MAMDC4: variants seen among roughly 807,000 people sequenced by gnomAD.
MAMDC4 encodes the protein MAM domain containing 4.
A neutral mutation model predicts 153.3 loss-of-function variants in MAMDC4; 168 were observed. That is an observed-to-expected ratio of 1.10 (90% CI 0.97 to 1.25). The LOEUF (loss-of-function observed/expected upper bound fraction) is 1.25, where lower values mean the gene tolerates loss of function less well. Ranked by LOEUF, MAMDC4 falls within the 50% of genes most tolerant of loss-of-function variation. MAMDC4 has a pLI of 0.00. For missense variants in MAMDC4, 1,701 were observed against 1,542.8 expected (o/e 1.10, Z -1.72); for synonymous variants, 744 against 651.5 (o/e 1.14, Z -2.16).
Position 136,855,288 on chromosome 9 carries a change from T to C in MAMDC4, c.1232T>C (p.Val411Ala). The C allele has an allele frequency of 6.2e-7, 1 of 1,604,034 alleles. No homozygotes were observed. Among genetic ancestry groups the C allele is most frequent in the Non-Finnish European group, 8.5e-7 (1 of 1,175,322 alleles). Residue 411 changes from valine to alanine, a missense_variant, in exon 11 of 27, where the codon GTC becomes GCC. Val to Ala is a moderately conservative substitution (Grantham distance 64). Transcript: ENST00000317446. ...GCCGGGCAGACAGGCCCGGGGGGCG[T>C]CGTGGGTCTGGACGACCTCATCCTG... ...LLAGQTGPGG[V>A]VGLDDLILSD...
intron 4 of MAMDC4, 24 bp downstream of exon 4, chr9:136,853,694 C>A (rs371355225): frequency 2.6e-6 from 2 of 773,220 alleles, no homozygotes; most frequent in South Asian, 1.3e-5. Context: ...CCCCAAGGCT[C>A]GTGGGGGGTG....
At position 136,858,186 on chromosome 9, in the gene MAMDC4, G is replaced by T. The variant is rs1274025138; in HGVS notation, c.2584G>T (p.Val862Leu). The change falls in exon 21 of 27, where the codon GTG becomes TTG. Residue 862 changes from valine to leucine, a missense_variant and splice_region_variant. Val to Leu is a conservative substitution (Grantham distance 32). Transcript: ENST00000317446. The stretch of plus-strand genomic sequence containing the variant: ...GGCTGCCCTGCCCTGCACCCGCCAG[G>T]TGGTGTTTGAGGCAGTGGCCGCAGG... ...MDVQAERAWR[V>L]VFEAVAAGVA... 2 of 1,586,998 alleles carry T rather than the reference G, an allele frequency of 1.3e-6. No individual in the cohort carries two copies. The highest frequency in any genetic ancestry group is 2.7e-5 in the African/African-American group (2 of 74,452).
Position 136,854,661 on chromosome 9 carries a change from CG to C in MAMDC4, c.921del (p.Asn308ThrfsTer41), listed in dbSNP as rs781670045. 4.3e-6 allele frequency: 7 copies of C among 1,610,564 alleles called. No individual in the cohort carries two copies. The East Asian group carries it at 8.9e-5, about 21-fold the overall frequency. ...RPSWPRRDHS[R>X]NSAQGSFLVS... is the part of the protein sequence containing the mutation. ...CTCCTGGCCACGCCGTGACCACAGC[CG>C]GAACAGTGCACAGGGTGAGGCCCAC... On this transcript the variant is annotated frameshift_variant, in exon 8 of 27. Transcript: ENST00000317446. LOFTEE classifies it high-confidence loss of function.
rs768385643 is a variant in MAMDC4 at position 136,859,044 on chromosome 9, G to A, written c.2996G>A (p.Gly999Asp). 8.4e-6 allele frequency: 13 copies of A among 1,554,604 alleles called. No homozygotes were observed. Among genetic ancestry groups the A allele is most frequent in the Non-Finnish European group, 1.1e-5 (13 of 1,148,662 alleles). Residue 999 changes from glycine (G) to aspartate (D), a missense_variant, in exon 24 of 27, where the codon GGC (glycine) becomes GAC (aspartate). Coordinates refer to ENST00000317446, the MANE Select transcript of MAMDC4 (RefSeq NM_206920.3). ...ELKVLLHSAQ[G>D]QLAVWGAGGH... ...AAGGTACTGCTGCACAGTGCTCAGG[G>A]CCAGCTGGCTGTGTGGGGCGCAGGC...
chr9:136,859,228 T>C lies in MAMDC4; in HGVS notation c.3104T>C (p.Leu1035Pro). The stretch of plus-strand genomic sequence containing the variant: ...CATCAGATCGTGTTTGAAGCCACTC[T>C]GGGCGGCCAGCCAGCCCTGGGGCCC... ...KEFQIVFEAT[L>P]GGQPALGPIA... Residue 1035 changes from leucine to proline, a missense_variant, in exon 25 of 27, where the codon CTG (leucine) becomes CCG (proline). Leu to Pro is a moderately conservative substitution (Grantham distance 98). Coordinates refer to ENST00000317446, the MANE Select transcript of MAMDC4 (RefSeq NM_206920.3). The C allele has an allele frequency of 6.2e-7, 1 of 1,611,726 alleles. No homozygotes were observed. The highest frequency in any genetic ancestry group is 8.5e-7 in the Non-Finnish European group (1 of 1,179,244).
chr9:136,858,223 C>T lies in MAMDC4; in HGVS notation c.2621C>T (p.Ser874Phe), dbSNP rs1849035773. The T allele has an allele frequency of 1.9e-6, 3 of 1,600,220 alleles. No individual in the cohort carries two copies. Among genetic ancestry groups the T allele is most frequent in the Admixed American group, 1.7e-5 (1 of 59,414 alleles). The change falls in exon 21 of 27, where the codon TCC becomes TTC. Residue 874 changes from serine (S) to phenylalanine (F), a missense_variant. By Grantham distance (155) the Ser-to-Phe change is radical (BLOSUM62 -2). Transcript: ENST00000317446. Reference protein sequence around the residue: ...FEAVAAGVAHSYVALDDLLLQ... With the variant: ...FEAVAAGVAHFYVALDDLLLQ... ...GCAGTGGCCGCAGGCGTGGCACACT[C>T]CTACGTGGCTCTGGATGATCTGCTC...
intron 14 of MAMDC4, 181 bp from the exon 15 acceptor site, chr9:136,856,529 G>A (rs1234751101): frequency 1.3e-6 from 1 of 796,768 alleles, no homozygotes; most frequent in East Asian, 2.4e-5. Context: ...TGGACAACGT[G>A]ACCCTGAGGG....
Position 136,860,651 on chromosome 9 carries a change from G to A in MAMDC4, c.*48G>A, listed in dbSNP as rs768836084. 1.2e-6 allele frequency: 2 copies of A among 1,608,988 alleles called. No homozygotes were observed. The highest frequency in any genetic ancestry group is 1.7e-6 in the Non-Finnish European group (2 of 1,176,592). On this transcript the variant is annotated 3_prime_UTR_variant, in exon 27 of 27. Transcript: ENST00000317446. ...TTCCTCACGTGACATCCAGCACTTG[G>A]TCAGACCCTAGCCAGGGACCGGACA...
At chr9:136,856,436 A>G in intron 14 of MAMDC4, 1 of 778,894 alleles carries the variant, frequency 1.3e-6, no homozygotes, top group Non-Finnish European at 2.4e-6. Context: ...TGACTTAACC[A>G]TCCTCCTCAT....
intron 26 of MAMDC4, 58 bp downstream of exon 26, chr9:136,860,122 G>A (rs948948842): frequency 1.6e-5 from 24 of 1,480,682 alleles, no homozygotes; most frequent in Non-Finnish European, 2.1e-5. Context: ...TGACGCTGGA[G>A]GGCGGGCAGT....
Position 136,855,749 on chromosome 9 carries a change from T to A in MAMDC4, c.1489T>A (p.Ser497Thr). Residue 497 changes from serine to threonine, a missense_variant, in exon 13 of 27, where the codon TCC becomes ACC. Transcript: ENST00000317446. ...EQACGTTDFE[S>T]PEAGGWEDAS... is the part of the protein sequence containing the mutation. ...TGTTCCAGGCACCACAGACTTTGAG[T>A]CCCCCGAGGCTGGGGGCTGGGAGGA... The A allele has an allele frequency of 1.9e-6, 3 of 1,572,264 alleles. No homozygotes were observed. The highest frequency in any genetic ancestry group is 1.7e-6 in the Non-Finnish European group (2 of 1,159,942).
chr9:136,854,982 C>T lies in MAMDC4; in HGVS notation c.1069C>T (p.Gln357Ter). 6.2e-7 allele frequency: 1 copy of T among 1,605,842 alleles called. No individual in the cohort carries two copies. The highest frequency in any genetic ancestry group is 1.1e-5 in the South Asian group (1 of 90,368). Residue 357 changes from glutamine to a stop codon, truncating the protein, a stop_gained, in exon 10 of 27, where the codon CAG becomes TAG. Coordinates refer to ENST00000317446, the MANE Select transcript of MAMDC4 (RefSeq NM_206920.3). LOFTEE classifies it high-confidence loss of function. ...YLSGSEAGCL[Q>*]LFLQTLGPGA... ...GAGTGGGTCTGAGGCTGGCTGCCTC[C>T]AGCTGTTCCTGCAGACTCTGGGGCC...
At position 136,856,161 on chromosome 9, in the gene MAMDC4, C is replaced by T. The variant is rs1849001496; in HGVS notation, c.1720+12C>T. The T allele has an allele frequency of 3.1e-6, 5 of 1,611,802 alleles. No homozygotes were observed. Among genetic ancestry groups the T allele is most frequent in the Non-Finnish European group, 4.2e-6 (5 of 1,179,416 alleles). ...GAGCCAGCCCCGAGGTACCGCCACA[C>T]TCCGCAAGTTCCCTGGCCAGCCCCT... On this transcript the variant is annotated intron_variant, in intron 14 of 26. Transcript: ENST00000317446.
At chr9:136,855,383 C>G (rs372027053) in intron 11 of MAMDC4, 45 bp downstream of exon 11, 6 of 1,599,570 alleles carry the variant, frequency 3.8e-6, no homozygotes, top group Middle Eastern at 3.3e-4. Context: ...CCTGGAGAGG[C>G]ACAGCACTCC....
Position 136,853,630 on chromosome 9 carries a change from C to T in MAMDC4, c.414C>T (p.Ser138=), listed in dbSNP as rs762799264. 6.2e-7 allele frequency: 1 copy of T among 1,612,300 alleles called. No individual in the cohort carries two copies. The highest frequency in any genetic ancestry group is 1.1e-5 in the South Asian group (1 of 91,070). Residue 138 remains serine (S), a synonymous_variant, in exon 4 of 27, where the codon TCC becomes TCT. Coordinates refer to ENST00000317446, the MANE Select transcript of MAMDC4 (RefSeq NM_206920.3). The part of the protein sequence containing the change: ...LRSPTLREAA[S]SCKLRLWYHA... The stretch of plus-strand genomic sequence containing the variant: ...CGCCAACCCTGCGAGAGGCAGCCTC[C>T]TCTTGCAAGCTGAGGCTCTGGTACC...
chr9:136,856,948 GGCCACAGTGCCCACCT>G lies in MAMDC4; in HGVS notation c.1882_1897del (p.His628SerfsTer30), dbSNP rs776254108. The G allele has an allele frequency of 6.2e-7, 1 of 1,611,444 alleles. No homozygotes were observed. Among genetic ancestry groups the G allele is most frequent in the South Asian group, 1.1e-5 (1 of 91,004 alleles). ...GGACCCCACAGACCCCCTGGCCTGG[GGCCACAGTGCCCACCT>G]GCTCTCCAGGCCCCAGGTGCCAGCA... On this transcript the variant is annotated frameshift_variant, in exon 16 of 27. Transcript: ENST00000317446. LOFTEE classifies it high-confidence loss of function.
chr9:136,855,690 G>T (rs1427684310), intron 12 of MAMDC4, 42 bp from the exon 13 acceptor site: 3 of 1,568,586 alleles, frequency 1.9e-6, no homozygotes, highest in East Asian at 4.6e-5. Context: ...GCAGGCTGAG[G>T]ACTCTGAGGA....
At position 136,853,416 on chromosome 9, in the gene MAMDC4, G is replaced by A; in HGVS notation, c.286G>A (p.Gly96Ser). 1 of 1,601,984 alleles carries A rather than the reference G, an allele frequency of 6.2e-7. No homozygotes were observed. The highest frequency in any genetic ancestry group is 1.1e-5 in the South Asian group (1 of 90,500). Reference protein sequence around the residue: ...LRDRAGAALEGPGPHSDHTLG... With the variant: ...LRDRAGAALESPGPHSDHTLG... ...AGACAGGGCAGGGGCCGCACTGGAG[G>A]GTCCTGGGCCTCACTCAGACCACAC... The change falls in exon 3 of 27, where the codon GGT becomes AGT. Residue 96 changes from glycine (G) to serine (S), a missense_variant. Physicochemically the swap from Gly to Ser is moderately conservative, Grantham distance 56. Transcript: ENST00000317446.
rs747870436 is a variant in MAMDC4, at chr9:136,858,861, C to T, written c.2956+8C>T. 17 of 1,602,810 alleles carry T rather than the reference C, an allele frequency of 1.1e-5. No homozygotes were observed. The East Asian group carries it at 1.3e-4, about 13-fold the overall frequency. On this transcript the variant is annotated splice_region_variant and intron_variant, in intron 23 of 26. Transcript: ENST00000317446. The stretch of plus-strand genomic sequence containing the variant: ...GTTTTCCTGAGCACTTCTGTGAGTC[C>T]GGCTGGGCCAATGGGTGCCTGGGCA...
Sources: gnomAD v4.1 joint callset for allele counts on GRCh38, gnomAD v4.1.1 for gene constraint, MANE v1.5 for transcripts, NCBI Gene and HGNC (gene_info 2026-07-23, HGNC 2026-07-21) for gene names.